PDE1C: variants seen among roughly 807,000 people sequenced by gnomAD.
PDE1C encodes the protein phosphodiesterase 1C.
In PDE1C, 62 loss-of-function variants were observed where a neutral mutation model predicts 93.1. That is an observed-to-expected ratio of 0.67 (90% CI 0.54 to 0.82). The LOEUF is 0.82. Ranked by LOEUF, PDE1C falls within the 40% of genes least tolerant of loss-of-function variation. PDE1C has a pLI of 0.00. For synonymous variants in PDE1C, 325 were observed against 310.1 expected (o/e 1.05, Z -0.50); for missense variants, 742 against 884.6 (o/e 0.84, Z 2.04).
rs113983956 is a variant in PDE1C, at chr7:32,410,122, A to G, written c.310+17700T>C. On this transcript the variant is annotated intron_variant, in intron 1 of 1. Transcript: ENST00000672256. ...GTACCAAAAAACTACTACAAACAAT[A>G]GGAAAGTTCAGTAAGACACAGCAGT... Among the ~76,000 whole-genome samples, 543 of 152,334 alleles carry G rather than the reference A, an allele frequency of 3.6e-3. 6 individuals carry two copies. The highest frequency in any genetic ancestry group is 0.012 in the African/African-American group (508 of 41,578).
chr7:32,187,454 T>C (rs553826041), intron 2 of PDE1C, among the ~76,000 whole-genome samples: 19 of 152,320 alleles, frequency 1.2e-4, no homozygotes, highest in Non-Finnish European at 2.2e-4. Flanking sequence ...CTTTTACTAA[T>C]ATTATGTGAA....
intron 1 of PDE1C, among the ~76,000 whole-genome samples, chr7:32,407,801 C>T (rs1056823850): frequency 2.6e-5 from 4 of 152,144 alleles, no homozygotes; most frequent in African/African-American, 9.7e-5. Context: ...AGCACTCCAG[C>T]AAGTGCTTCT....
chr7:32,105,252 G>C (rs888732898), intron 3 of PDE1C, among the ~76,000 whole-genome samples: 2 of 152,012 alleles, frequency 1.3e-5, no homozygotes, highest in Non-Finnish European at 2.9e-5. Flanking sequence ...TATAAGCCTG[G>C]AAAAACAAAG....
chr7:32,179,537 G>A (rs1006620967), intron 2 of PDE1C, among the ~76,000 whole-genome samples: 4 of 152,146 alleles, frequency 2.6e-5, no homozygotes, highest in African/African-American at 9.7e-5. Context: ...GGCATTACAG[G>A]CCTGACTTAC....
the PDE1C span, among the ~76,000 whole-genome samples, chr7:31,646,680 T>C: frequency 6.6e-6 from 1 of 152,108 alleles, no homozygotes; most frequent in Non-Finnish European, 1.5e-5. Context: ...TCCTCCTGAT[T>C]TGACACTTTG....
At chr7:31,824,694 C>T (rs575394376) in intron 13 of PDE1C, among the ~76,000 whole-genome samples, 173 bp downstream of exon 13, 51 of 152,062 alleles carry the variant, frequency 3.4e-4, no homozygotes, top group African/African-American at 1.1e-3. Flanking sequence ...CTGGAGAGTA[C>T]GGATAATACA....
intron 7 of PDE1C, among the ~76,000 whole-genome samples, chr7:31,856,266 T>A (rs1056993415): frequency 2.0e-5 from 3 of 152,192 alleles, no homozygotes; most frequent in African/African-American, 7.2e-5. Context: ...TGCTCCCCAC[T>A]GTTTTTGTAA....
intron 1 of PDE1C, among the ~76,000 whole-genome samples, chr7:32,225,381 TAC>T (rs906709895): frequency 6.6e-6 from 1 of 151,894 alleles, no homozygotes; most frequent in Non-Finnish European, 1.5e-5. Flanking sequence ...CACTCACACA[TAC>T]ACACACACTC....
the PDE1C span, among the ~76,000 whole-genome samples, chr7:31,618,833 C>T: frequency 8.5e-5 from 13 of 152,116 alleles, no homozygotes; most frequent in Admixed American, 2.0e-4. Flanking sequence ...AATTATATGC[C>T]GCAAATATAA....
At chr7:31,857,812 C>A (rs147045898) in intron 7 of PDE1C, among the ~76,000 whole-genome samples, 3,191 of 152,254 alleles carry the variant, frequency 0.021, 52 homozygotes, top group South Asian at 0.051. Context: ...AGAGATAATT[C>A]TGTTTTTAAA....
intron 2 of PDE1C, among the ~76,000 whole-genome samples, chr7:32,006,515 G>C (rs898877280): frequency 1.3e-5 from 2 of 152,214 alleles, no homozygotes; most frequent in Non-Finnish European, 2.9e-5. Context: ...CAGTAGAACT[G>C]GGTCAGAGGC....
At chr7:32,033,452 T>C (rs1790606390) in intron 2 of PDE1C, among the ~76,000 whole-genome samples, 1 of 152,132 alleles carries the variant, frequency 6.6e-6, no homozygotes, top group Non-Finnish European at 1.5e-5. Flanking sequence ...ATAAATGTCC[T>C]TCCTTCAGTC....
At chr7:31,882,523 C>T (rs73690313) in intron 2 of PDE1C, among the ~76,000 whole-genome samples, 2,614 of 152,164 alleles carry the variant, frequency 0.017, 48 homozygotes, top group African/African-American at 0.043. Context: ...TCAAGGTGCC[C>T]AGCTATCCCC....
At chr7:32,408,560 A>G (rs1269531543) in intron 1 of PDE1C, among the ~76,000 whole-genome samples, 1 of 152,158 alleles carries the variant, frequency 6.6e-6, no homozygotes, top group Non-Finnish European at 1.5e-5. Context: ...AGGCCAAGGC[A>G]GGCAGATCAT....
At chr7:31,648,436 A>G in the PDE1C span, among the ~76,000 whole-genome samples, 1 of 152,060 alleles carries the variant, frequency 6.6e-6, no homozygotes, top group Non-Finnish European at 1.5e-5. Context: ...AATCATTTCT[A>G]TACTTATTCT....
chr7:31,753,532 T>C lies in PDE1C; in HGVS notation c.1982A>G (p.His661Arg). ...AGATGCGTAAGCAGGGCGTTTAAAA[T>C]GACGCAAAGGAGGCTTGATGACTGG... ...TLPVIKPPLR[H>R]FKRPAYASSS... Residue 661 changes from histidine to arginine, a missense_variant, in exon 18 of 18, where the codon CAT (histidine) becomes CGT (arginine). Transcript: ENST00000396191. 6.2e-7 allele frequency: 1 copy of C among 1,611,184 alleles called. No individual in the cohort carries two copies.
At chr7:31,829,140 T>C (rs1790067648) in intron 11 of PDE1C, among the ~76,000 whole-genome samples, 1 of 152,194 alleles carries the variant, frequency 6.6e-6, no homozygotes, top group African/African-American at 2.4e-5. Flanking sequence ...GAAGCTGTGC[T>C]AATTCATTTT....
the PDE1C span, among the ~76,000 whole-genome samples, chr7:31,690,794 CTCTGAT>C: frequency 2.0e-5 from 3 of 152,312 alleles, no homozygotes; most frequent in Admixed American, 6.5e-5. Context: ...CAAATGATTA[CTCTGAT>C]TCTAAGTGTT....
intron 16 of PDE1C, chr7:31,784,456 T>G (rs1274765875): frequency 6.6e-6 from 1 of 152,202 alleles, no homozygotes; most frequent in Non-Finnish European, 1.5e-5. Context: ...CCCAGCGACC[T>G]TTGACACCCA....
Sources: gnomAD v4.1 joint callset for allele counts (sites outside exome capture counted in the v4.1 genomes callset) on GRCh38, gnomAD v4.1.1 for gene constraint, MANE v1.5 for transcripts, NCBI Gene and HGNC (gene_info 2026-07-23, HGNC 2026-07-21) for gene names.